Variants in SLC38A7 observed in about 807,000 individuals in gnomAD.
SLC38A7 encodes the protein sodium-coupled neutral amino acid transporter 7.
In SLC38A7, 29 loss-of-function variants were observed where a neutral mutation model predicts 50.1. The observed-to-expected ratio is 0.58, with a 90% CI of 0.43 to 0.79. The LOEUF (loss-of-function observed/expected upper bound fraction) is 0.79, where lower values mean the gene tolerates loss of function less well. Among genes scored for constraint, SLC38A7 ranks in the 30% least tolerant of loss-of-function variants. The pLI is 0.00. For missense variants in SLC38A7, 483 were observed against 610.6 expected, an observed-to-expected ratio of 0.79 and a Z score of 2.20; for synonymous variants, 244 against 245.9, an observed-to-expected ratio of 0.99 and a Z score of 0.07.
At chr16:58,673,556 G>GT (rs2044198952) in intron 8 of SLC38A7, among the ~76,000 whole-genome samples, 1 of 151,590 alleles carries the variant, frequency 6.6e-6, no homozygotes. Context: ...GTAAGATGGG[G>GT]TTTCGCCATG....
chr16:58,680,029 G>A lies in SLC38A7; in HGVS notation c.98C>T (p.Thr33Ile). 6.2e-7 allele frequency: 1 copy of A among 1,609,046 alleles called. No individual in the cohort carries two copies. Among genetic ancestry groups the A allele is most frequent in the South Asian group, 1.1e-5 (1 of 90,470 alleles). ...GGCTTCCCACTCACTCTTGGGGGCT[G>A]TGTCCACACAGGGACTCTGCAGCAG... ...ARLLQSPCVD[T>I]APKSEWEASP... The change falls in exon 3 of 12, where the codon ACA becomes ATA. Residue 33 changes from threonine to isoleucine, a missense_variant. Coordinates refer to ENST00000219320, the MANE Select transcript of SLC38A7 (RefSeq NM_018231.3).
Position 58,670,038 on chromosome 16 carries a change from GT to G in SLC38A7, c.1286+74del. On this transcript the variant is annotated intron_variant, in intron 11 of 11. Transcript: ENST00000219320. ...GTACACAAGCCTCTGACTCCTATCT[GT>G]TTTAAGGCCCCCACAAAGCCACATT... is the stretch of plus-strand genomic sequence containing the variant. 3.6e-6 allele frequency: 5 copies of G among 1,377,418 alleles called. No homozygotes were observed. The South Asian group carries it at 6.0e-5, about 17-fold the overall frequency. The allele number at this position is 1,377,418 out of a possible 1,614,324, so 85.3% of individuals were successfully genotyped here.
chr16:58,683,191 T>C (rs1009662297), intron 2 of SLC38A7, among the ~76,000 whole-genome samples: 2 of 152,202 alleles, frequency 1.3e-5, no homozygotes, highest in Non-Finnish European at 2.9e-5. Context: ...GTTTAGTCTT[T>C]ATAGCCCAGA....
At chr16:58,668,391 A>T (rs1163820354) in intron 11 of SLC38A7, among the ~76,000 whole-genome samples, 1 of 152,174 alleles carries the variant, frequency 6.6e-6, no homozygotes, top group African/African-American at 2.4e-5. Flanking sequence ...CCTAGCCAAC[A>T]TGGTGAAACC....
Position 58,665,962 on chromosome 16 carries a change from G to C in SLC38A7, c.*1423C>G. 1 of 152,794 alleles carries C rather than the reference G, an allele frequency of 6.5e-6. No individual in the cohort carries two copies. Among genetic ancestry groups the C allele is most frequent in the East Asian group, 1.9e-4 (1 of 5,206 alleles). 9.5% of individuals were successfully genotyped at this position (152,794 alleles called of 1,614,324 possible). A position where few individuals can be genotyped will look rare whatever the true frequency, so the allele number is the denominator to read the frequency against. Reference sequence around the variant, plus strand: ...GGGAGGTGAAGAGGTAACGGGGTGAGGGGGAAGGAAGGAGCAGACAAAATC... The same window carrying C: ...GGGAGGTGAAGAGGTAACGGGGTGACGGGGAAGGAAGGAGCAGACAAAATC... On this transcript the variant is annotated 3_prime_UTR_variant, in exon 12 of 12. Transcript: ENST00000219320.
chr16:58,669,572 G>T (rs1370124369), intron 11 of SLC38A7, among the ~76,000 whole-genome samples: 1 of 152,014 alleles, frequency 6.6e-6, no homozygotes, highest in Admixed American at 6.6e-5. Flanking sequence ...GGGGCGAGTG[G>T]GTTGTGGGGG....
chr16:58,666,924 T>C lies in SLC38A7; in HGVS notation c.*461A>G, dbSNP rs879206479. On this transcript the variant is annotated 3_prime_UTR_variant, in exon 12 of 12. Coordinates refer to ENST00000219320, the MANE Select transcript of SLC38A7 (RefSeq NM_018231.3). ...CATTTGCATGACTTCAGTGCTACCG[T>C]TGGAAGTGGCCAGGCTCCTGAGGAA... The C allele has an allele frequency of 5.8e-5, 10 of 172,944 alleles. No homozygotes were observed. The highest frequency in any genetic ancestry group is 2.5e-4 in the Admixed American group (4 of 16,098). The allele number at this position is 172,944 out of a possible 1,614,324, so 10.7% of individuals were successfully genotyped here.
chr16:58,671,160 C>T lies in SLC38A7; in HGVS notation c.1116G>A (p.Leu372=). The T allele has an allele frequency of 1.2e-6, 2 of 1,613,916 alleles. No homozygotes were observed. The highest frequency in any genetic ancestry group is 1.7e-6 in the Non-Finnish European group (2 of 1,179,920). The stretch of plus-strand genomic sequence containing the variant: ...TGAGCAGGAACCAGACCAGCGTCTG[C>T]AGCACTCGCCGCCGCCGCTCCCGCC... ...DVGRERRRRV[L]QTLVWFLLTL... Residue 372 remains leucine, a synonymous_variant, in exon 10 of 12, where the codon CTG becomes CTA. Coordinates refer to ENST00000219320, the MANE Select transcript of SLC38A7 (RefSeq NM_018231.3).
chr16:58,671,319 C>G, intron 9 of SLC38A7, 75 bp from the exon 10 acceptor site: 1 of 1,470,506 alleles, frequency 6.8e-7, no homozygotes, highest in Non-Finnish European at 9.3e-7. Flanking sequence ...AGGAGCCAGA[C>G]CCCTAACTGG....
rs1478998328 is a variant in SLC38A7 at position 58,677,446 on chromosome 16, G to A, written c.612-22C>T. On this transcript the variant is annotated intron_variant, in intron 5 of 11. Coordinates refer to ENST00000219320, the MANE Select transcript of SLC38A7 (RefSeq NM_018231.3). ...GAAGCTGCCGGGAAGGAGAGACTAA[G>A]TGTCCTCATCCCCAGCTGCCTCTTA... The A allele has an allele frequency of 1.2e-5, 20 of 1,608,572 alleles. No homozygotes were observed. The Middle Eastern group carries it at 9.9e-4, about 80-fold the overall frequency.
In SLC38A7 at chr16:58,679,015, A is replaced by G. The variant is rs886529269; in HGVS notation, c.271-121T>C. 6.3e-6 allele frequency: 6 copies of G among 957,782 alleles called. No individual in the cohort carries two copies. The African/African-American group carries it at 8.1e-5, about 13-fold the overall frequency. The allele number at this position is 957,782 out of a possible 1,614,324, so 59.3% of individuals were successfully genotyped here. A position where few individuals can be genotyped will look rare whatever the true frequency, so the allele number is the denominator to read the frequency against. The stretch of plus-strand genomic sequence containing the variant: ...AAGCTTGGCAAATCTCACAAAGGCA[A>G]TTTTAAGAGACTGCTAGAGGATGCC... On this transcript the variant is annotated intron_variant, in intron 3 of 11. Coordinates refer to ENST00000219320, the MANE Select transcript of SLC38A7 (RefSeq NM_018231.3).
At chr16:58,672,501 C>A (rs1321601312) in intron 8 of SLC38A7, among the ~76,000 whole-genome samples, 1 of 152,196 alleles carries the variant, frequency 6.6e-6, no homozygotes, top group African/African-American at 2.4e-5. Flanking sequence ...AGTGCCTTGG[C>A]ACTGACTGTT....
chr16:58,671,926 C>A (rs1005386794), intron 9 of SLC38A7, 170 bp downstream of exon 9: 1 of 684,928 alleles, frequency 1.5e-6, no homozygotes, highest in Non-Finnish European at 2.3e-6. Flanking sequence ...GGACAAAGGG[C>A]GCTTCTGACA....
intron 2 of SLC38A7, among the ~76,000 whole-genome samples, chr16:58,682,287 A>C (rs1317735491): frequency 6.6e-6 from 1 of 152,094 alleles, no homozygotes; most frequent in African/African-American, 2.4e-5. Flanking sequence ...GGCAGGAACT[A>C]AGGGGGCAGG....
chr16:58,670,559 T>G (rs953448062), intron 10 of SLC38A7, among the ~76,000 whole-genome samples: 1 of 152,224 alleles, frequency 6.6e-6, no homozygotes, highest in Non-Finnish European at 1.5e-5. Context: ...AACTCATGGC[T>G]GGGCAGACAG....
At position 58,679,990 on chromosome 16, in the gene SLC38A7, A is replaced by G. The variant is rs7193572; in HGVS notation, c.137T>C (p.Leu46Pro). The G allele has an allele frequency of 0.024, 38,431 of 1,612,410 alleles. 7,447 individuals carry two copies. In the African/African-American group the frequency reaches 0.43, roughly 18 times the overall value. The stretch of plus-strand genomic sequence containing the variant: ...AAGTGTGGAAGTGGTGCCTCTGTCC[A>G]GACCCCCAGGAGAGGCTTCCCACTC... ...KSEWEASPGG[L>P]DRGTTSTLGA... Residue 46 changes from leucine to proline, a missense_variant, in exon 3 of 12, where the codon CTG (leucine) becomes CCG (proline). Leu to Pro is a moderately conservative substitution (Grantham distance 98, BLOSUM62 -3). Transcript: ENST00000219320.
At chr16:58,679,186 G>A (rs1041904411) in intron 3 of SLC38A7, among the ~76,000 whole-genome samples, 1 of 152,220 alleles carries the variant, frequency 6.6e-6, no homozygotes. Context: ...GAAGTCAGGA[G>A]TTTGAGACCA....
At chr16:58,667,941 G>C (rs768508562) in intron 11 of SLC38A7, among the ~76,000 whole-genome samples, 1 of 151,360 alleles carries the variant, frequency 6.6e-6, no homozygotes, top group Non-Finnish European at 1.5e-5. Flanking sequence ...AGGCCAAGGC[G>C]GGCAACCTGA....
intron 11 of SLC38A7, among the ~76,000 whole-genome samples, chr16:58,669,566 C>T (rs1381705785): frequency 1.3e-5 from 2 of 151,850 alleles, no homozygotes; most frequent in East Asian, 3.8e-4. Flanking sequence ...GATGTGGGGG[C>T]GAGTGGGTTG....
Sources: gnomAD v4.1 joint callset for allele counts (sites outside exome capture counted in the v4.1 genomes callset) on GRCh38, gnomAD v4.1.1 for gene constraint, MANE v1.5 for transcripts, NCBI Gene and HGNC (gene_info 2026-07-23, HGNC 2026-07-21) for gene names.